ESRRA: variants seen among roughly 807,000 people sequenced by gnomAD.
The protein encoded by ESRRA is steroid hormone receptor ERR1.
Under a neutral mutation model 35.6 loss-of-function variants are expected in ESRRA, and 7 were observed. The observed-to-expected ratio is 0.20, with a 90% CI of 0.11 to 0.37. The LOEUF (loss-of-function observed/expected upper bound fraction) is 0.37. ESRRA is among the 10% of genes least tolerant of loss of function. The pLI, the probability that ESRRA is intolerant of heterozygous loss-of-function variation, is 1.00. For missense variants in ESRRA, 378 were observed against 561.7 expected, an observed-to-expected ratio of 0.67 and a Z score of 3.31; for synonymous variants, 223 against 246.9, an observed-to-expected ratio of 0.90 and a Z score of 0.91.
chr11:64,315,191 A>G lies in ESRRA; in HGVS notation c.933A>G (p.Gln311=). ...GGGAACTGGGGGCTGCCCTGCTGCA[A>G]CTAGTGCGGCGGCTGCAGGCCCTGC... ...GLGELGAALL[Q]LVRRLQALRL... Residue 311 remains glutamine (Q), a synonymous_variant, in exon 6 of 7, where the codon CAA becomes CAG. Transcript: ENST00000000442. 6.2e-7 allele frequency: 1 copy of G among 1,612,622 alleles called. No individual in the cohort carries two copies. The highest frequency in any genetic ancestry group is 8.5e-7 in the Non-Finnish European group (1 of 1,179,390).
intron 2 of ESRRA, 59 bp downstream of exon 2, chr11:64,307,563 G>C (rs2035060643): frequency 7.6e-6 from 10 of 1,320,082 alleles, no homozygotes; most frequent in Non-Finnish European, 1.0e-5. Context: ...ACACTGCTGG[G>C]TGCAATAGGC....
chr11:64,315,151 G>A lies in ESRRA; in HGVS notation c.893G>A (p.Arg298Gln), dbSNP rs1340972600. 10 of 1,612,812 alleles carry A rather than the reference G, an allele frequency of 6.2e-6. No homozygotes were observed. The highest frequency in any genetic ancestry group is 2.2e-5 in the East Asian group (1 of 44,894). Residue 298 changes from arginine to glutamine, a missense_variant, in exon 6 of 7, where the codon CGG becomes CAG. Arg to Gln is a conservative substitution (Grantham distance 43). This residue lies in a region of ESRRA where 284 missense variants were observed against 411.7 expected (regional missense o/e 0.69). Coordinates refer to ENST00000000442, the MANE Select transcript of ESRRA (RefSeq NM_004451.5). The stretch of plus-strand genomic sequence containing the variant: ...TTAGTCCTGGATGAAGAGGGGGCAC[G>A]GGCAGCTGGCCTGGGGGAACTGGGG... Reference protein sequence around the residue: ...EDLVLDEEGARAAGLGELGAA... With the variant: ...EDLVLDEEGAQAAGLGELGAA...
In ESRRA at chr11:64,315,283, C is replaced by A; in HGVS notation, c.1012+13C>A. 1 of 1,536,992 alleles carries A rather than the reference C, an allele frequency of 6.5e-7. No homozygotes were observed. The highest frequency in any genetic ancestry group is 8.8e-7 in the Non-Finnish European group (1 of 1,139,840). On this transcript the variant is annotated intron_variant, in intron 6 of 6. Transcript: ENST00000000442. The stretch of plus-strand genomic sequence containing the variant: ...CTTGCCAATTCAGGTGAGTCTGGGG[C>A]AGGCACTGACAGGTGAGGTGTCTCC...
rs1461323261 is a variant in ESRRA at position 64,315,716 on chromosome 11, A to G, written c.1022A>G (p.His341Arg). ...ALALANSDSV[H>R]IEDAEAVEQL... ...TCCTCTCTTCTTGCAGACTCTGTGC[A>G]CATCGAAGATGCCGAGGCTGTGGAG... Residue 341 changes from histidine to arginine, a missense_variant, in exon 7 of 7, where the codon CAC (histidine) becomes CGC (arginine). His to Arg is a conservative substitution (Grantham distance 29). This residue lies in a region of ESRRA where 284 missense variants were observed against 411.7 expected (regional missense o/e 0.69). Transcript: ENST00000000442. 4 of 1,613,790 alleles carry G rather than the reference A, an allele frequency of 2.5e-6. No individual in the cohort carries two copies. In the African/African-American group the frequency reaches 5.3e-5, roughly 22 times the overall value.
intron 1 of ESRRA, 99 bp from the exon 2 acceptor site, chr11:64,307,069 G>T: frequency 5.1e-6 from 5 of 989,178 alleles, no homozygotes; most frequent in Non-Finnish European, 7.4e-6. Context: ...GGGCTTGGAA[G>T]CCTGGCCCTA....
chr11:64,316,189 C>T lies in ESRRA; in HGVS notation c.*223C>T, dbSNP rs2035257928. ...CCAGGCTCTGGGCACAGTGCTGCCCCTTGCAAGCCATAACGTGCCCCCAGA... is the reference window on the plus strand; with the variant it reads ...CCAGGCTCTGGGCACAGTGCTGCCCTTTGCAAGCCATAACGTGCCCCCAGA... On this transcript the variant is annotated 3_prime_UTR_variant, in exon 7 of 7. Coordinates refer to ENST00000000442, the MANE Select transcript of ESRRA (RefSeq NM_004451.5). The T allele has an allele frequency of 1.9e-6, 1 of 527,026 alleles. No homozygotes were observed. 32.6% of individuals were successfully genotyped at this position (527,026 alleles called of 1,614,324 possible). A position where few individuals can be genotyped will look rare whatever the true frequency, so the allele number is the denominator to read the frequency against.
At position 64,313,414 on chromosome 11, in the gene ESRRA, T is replaced by C. The variant is rs573535464; in HGVS notation, c.326-537T>C. 6.6e-6 allele frequency among the ~76,000 whole-genome samples: 1 copy of C among 152,152 alleles called. No individual in the cohort carries two copies. The highest frequency in any genetic ancestry group is 1.9e-4 in the East Asian group (1 of 5,176). On this transcript the variant is annotated intron_variant, in intron 2 of 6. Coordinates refer to ENST00000000442, the MANE Select transcript of ESRRA (RefSeq NM_004451.5). The surrounding 1 kb of genome is among the most constrained non-coding windows in gnomAD (Gnocchi z 4.0). ...GTGAGAGCCCCACGGCTGGGGAAGA[T>C]TGCCATGGGATTGGAGATGAGCTCC...
intron 2 of ESRRA, among the ~76,000 whole-genome samples, chr11:64,310,511 G>T (rs1271763777): frequency 9.3e-5 from 14 of 150,192 alleles, no homozygotes; most frequent in African/African-American, 3.4e-4. Context: ...TGGGATTACA[G>T]GCGTGAGCCA....
chr11:64,307,231 G>A lies in ESRRA; in HGVS notation c.52G>A (p.Ala18Thr). The A allele has an allele frequency of 6.2e-7, 1 of 1,610,894 alleles. No individual in the cohort carries two copies. Among genetic ancestry groups the A allele is most frequent in the Non-Finnish European group, 8.5e-7 (1 of 1,177,942 alleles). The change falls in exon 2 of 7, where the codon GCC (alanine) becomes ACC (threonine). Residue 18 changes from alanine (A) to threonine (T), a missense_variant. By Grantham distance (58) the Ala-to-Thr change is moderately conservative. Around this residue, in one of 4 missense-constraint regions of ESRRA, gnomAD observed 87 missense variants for 92.6 expected, o/e 0.94. Transcript: ENST00000000442. Reference protein sequence around the residue: ...IEPLYIKAEPASPDSPKGSSE... With the variant: ...IEPLYIKAEPTSPDSPKGSSE... ...GCCTCTCTACATCAAGGCAGAGCCG[G>A]CCAGCCCTGACAGTCCAAAGGGTTC...
At position 64,315,755 on chromosome 11, in the gene ESRRA, C is replaced by T; in HGVS notation, c.1061C>T (p.Ala354Val). 1 of 1,613,934 alleles carries T rather than the reference C, an allele frequency of 6.2e-7. No individual in the cohort carries two copies. Among genetic ancestry groups the T allele is most frequent in the Non-Finnish European group, 8.5e-7 (1 of 1,179,810 alleles). ...GAGGCTGTGGAGCAGCTGCGAGAAG[C>T]TCTGCACGAGGCCCTGCTGGAGTAT... is the stretch of plus-strand genomic sequence containing the variant. ...DAEAVEQLRE[A>V]LHEALLEYEA... The change falls in exon 7 of 7, where the codon GCT becomes GTT. Residue 354 changes from alanine to valine, a missense_variant. Ala to Val is a moderately conservative substitution (Grantham distance 64). Around this residue, in one of 4 missense-constraint regions of ESRRA, gnomAD observed 284 missense variants for 411.7 expected, o/e 0.69. Transcript: ENST00000000442.
At position 64,316,351 on chromosome 11, in the gene ESRRA, C is replaced by A. The variant is rs558710973; in HGVS notation, c.*385C>A. The A allele has an allele frequency of 9.8e-5, 21 of 214,344 alleles. No homozygotes were observed. Among genetic ancestry groups the A allele is most frequent in the Admixed American group, 2.6e-4 (5 of 19,554 alleles). 13.3% of individuals were successfully genotyped at this position (214,344 alleles called of 1,614,324 possible). A position where few individuals can be genotyped will look rare whatever the true frequency, so the allele number is the denominator to read the frequency against. On this transcript the variant is annotated 3_prime_UTR_variant, in exon 7 of 7. Coordinates refer to ENST00000000442, the MANE Select transcript of ESRRA (RefSeq NM_004451.5). Reference sequence around the variant, plus strand: ...TTTTGCTGCTGCTTAATCCTACCCCCTCTTCAAAGCAGAGTGGGACTTGGA... The same window carrying A: ...TTTTGCTGCTGCTTAATCCTACCCCATCTTCAAAGCAGAGTGGGACTTGGA...
Position 64,311,982 on chromosome 11 carries a change from C to CTTTTTTTTTTTTTTTTTT in ESRRA, c.326-1956_326-1955insTTTTTTTTTTTTTTTTTT, listed in dbSNP as rs544336819. Among the ~76,000 whole-genome samples, 7 of 68,390 alleles carry CTTTTTTTTTTTTTTTTTT rather than the reference C, an allele frequency of 1.0e-4. 3 individuals are homozygous for CTTTTTTTTTTTTTTTTTT. The highest frequency in any genetic ancestry group is 1.0e-3 in the South Asian group (2 of 1,932). The allele number at this position is 68,390 out of a possible 152,430, so 44.9% of individuals were successfully genotyped here. ...ATAGGCGTGAGCCACTGCGCCTGGC[C>CTTTTTTTTTTTTTTTTTT]TTTTTTTTTTTTTGGTACAGAGTTT... On this transcript the variant is annotated intron_variant, in intron 2 of 6. Transcript: ENST00000000442.
Position 64,307,096 on chromosome 11 carries a change from A to AC in ESRRA, c.-12-69dup, listed in dbSNP as rs1208223150. On this transcript the variant is annotated intron_variant, in intron 1 of 6. Transcript: ENST00000000442. ...CTGGCCCTAGGCCCGAGGTTGGGCAACCCGTGTGGCAGGGTGTCTCCCATC... is the reference window on the plus strand; with the variant it reads ...CTGGCCCTAGGCCCGAGGTTGGGCAACCCCGTGTGGCAGGGTGTCTCCCATC... The AC allele has an allele frequency of 1.7e-5, 23 of 1,351,666 alleles. No homozygotes were observed. The African/African-American group carries it at 3.1e-4, about 18-fold the overall frequency. 83.7% of individuals were successfully genotyped at this position (1,351,666 alleles called of 1,614,324 possible). A position where few individuals can be genotyped will look rare whatever the true frequency, so the allele number is the denominator to read the frequency against.
At chr11:64,315,657 C>A (rs761364275) in intron 6 of ESRRA, 50 bp from the exon 7 acceptor site, 2 of 1,601,750 alleles carry the variant, frequency 1.2e-6, no homozygotes, top group East Asian at 4.5e-5. Context: ...ACGGGGAGTG[C>A]CCTTGCCAGA....
At chr11:64,309,112 AAAAAAC>A (rs558286245) in intron 2 of ESRRA, among the ~76,000 whole-genome samples, 19 of 150,788 alleles carry the variant, frequency 1.3e-4, no homozygotes, top group East Asian at 3.9e-4. Context: ...ACTCCACCTC[AAAAAAC>A]AAAAACAAAA....
intron 2 of ESRRA, among the ~76,000 whole-genome samples, chr11:64,311,317 G>A (rs1355042807): frequency 2.0e-5 from 3 of 152,256 alleles, no homozygotes; most frequent in Non-Finnish European, 4.4e-5. Context: ...CTGGCAGAGG[G>A]GAGAGCTGGG....
chr11:64,315,112 C>G lies in ESRRA; in HGVS notation c.854C>G (p.Ala285Gly). The G allele has an allele frequency of 2.5e-6, 4 of 1,612,290 alleles. No individual in the cohort carries two copies. Among genetic ancestry groups the G allele is most frequent in the Non-Finnish European group, 3.4e-6 (4 of 1,180,020 alleles). The change falls in exon 6 of 7, where the codon GCC becomes GGC. Residue 285 changes from alanine (A) to glycine (G), a missense_variant. This residue lies in a region of ESRRA where 284 missense variants were observed against 411.7 expected (regional missense o/e 0.69). Coordinates refer to ENST00000000442, the MANE Select transcript of ESRRA (RefSeq NM_004451.5). ...TCACTGCCACTGCAGGATGAGCTGGCCTTCGCTGAGGACTTAGTCCTGGAT... is the reference window on the plus strand; with the variant it reads ...TCACTGCCACTGCAGGATGAGCTGGGCTTCGCTGAGGACTTAGTCCTGGAT... ...QRSLPLQDEL[A>G]FAEDLVLDEE... is the part of the protein sequence containing the mutation.
Position 64,307,277 on chromosome 11 carries a change from C to A in ESRRA, c.98C>A (p.Pro33His), listed in dbSNP as rs768541509. ...GGTTCCTCGGAGACAGAGACCGAGC[C>A]TCCTGTGGCCCTGGCCCCTGGTCCA... ...PKGSSETETE[P>H]PVALAPGPAP... The change falls in exon 2 of 7, where the codon CCT (proline) becomes CAT (histidine). Residue 33 changes from proline to histidine, a missense_variant. By Grantham distance (77) the Pro-to-His change is moderately conservative. This residue lies in a region of ESRRA where 87 missense variants were observed against 92.6 expected (regional missense o/e 0.94). Transcript: ENST00000000442. 3.5e-5 allele frequency: 57 copies of A among 1,613,400 alleles called. No individual in the cohort carries two copies. Among genetic ancestry groups the A allele is most frequent in the Non-Finnish European group, 4.6e-5 (54 of 1,179,862 alleles).
intron 2 of ESRRA, among the ~76,000 whole-genome samples, chr11:64,310,611 A>G (rs1305555503): frequency 3.3e-5 from 4 of 122,828 alleles, no homozygotes; most frequent in Admixed American, 1.1e-4. Flanking sequence ...AACGGCCTGC[A>G]GTCGTGGTTC....
Sources: gnomAD v4.1 joint callset for allele counts (sites outside exome capture counted in the v4.1 genomes callset) on GRCh38, gnomAD v4.1.1 for gene constraint, gnomAD v4.1.1 regional missense constraint, Gnocchi (gnomAD v3.1) non-coding constraint, MANE v1.5 for transcripts, NCBI Gene and HGNC (gene_info 2026-07-23, HGNC 2026-07-21) for gene names.